Variants in KDM4C observed in about 807,000 individuals in gnomAD.
KDM4C encodes lysine demethylase 4C, also known as lysine-specific demethylase 4C.
Under a neutral mutation model 129.3 loss-of-function variants are expected in KDM4C, and 81 were observed. That is an observed-to-expected ratio of 0.63 (90% confidence interval 0.52 to 0.75). The LOEUF is 0.75. Ranked by LOEUF, KDM4C falls within the 30% of genes least tolerant of loss-of-function variation. The probability of loss-of-function intolerance (pLI) is 0.00; values close to 1 mark genes in which losing one functional copy is unlikely to be tolerated. For missense variants in KDM4C, 1,457 were observed against 1,304.0 expected, an observed-to-expected ratio of 1.12 and a Z score of -1.81; for synonymous variants, 573 against 456.1, an observed-to-expected ratio of 1.26 and a Z score of -3.26.
At chr9:7,125,733 C>G (rs997423164) in intron 18 of KDM4C, among the ~76,000 whole-genome samples, 3 of 152,032 alleles carry the variant, frequency 2.0e-5, no homozygotes, top group Non-Finnish European at 4.4e-5. Flanking sequence ...TTAATGAGTC[C>G]CTGCTTTCTG....
At position 6,923,790 on chromosome 9, in the gene KDM4C, G is replaced by A. The variant is rs1194632952; in HGVS notation, c.921+30558G>A. 8.5e-5 allele frequency among the ~76,000 whole-genome samples: 13 copies of A among 152,276 alleles called. No individual in the cohort carries two copies. The East Asian group carries it at 1.3e-3, about 16-fold the overall frequency. On this transcript the variant is annotated intron_variant, in intron 8 of 21. Coordinates refer to ENST00000381309, the MANE Select transcript of KDM4C (RefSeq NM_015061.6). ...TGTTTGATTGTTTCAAATGCTTCCT[G>A]TGTCAATGACTGCAGAATCCAGTCT...
intron 17 of KDM4C, among the ~76,000 whole-genome samples, chr9:7,080,300 T>G (rs535002471): frequency 1.3e-5 from 2 of 152,310 alleles, no homozygotes; most frequent in Non-Finnish European, 2.9e-5. Flanking sequence ...AAAGAGACCC[T>G]AGAGCCCAAA....
At chr9:6,781,028 A>G (rs1301714803) in intron 1 of KDM4C, among the ~76,000 whole-genome samples, 1 of 152,044 alleles carries the variant, frequency 6.6e-6, no homozygotes, top group Non-Finnish European at 1.5e-5. Flanking sequence ...TGCATATAGC[A>G]GACAGTAGCT....
intron 8 of KDM4C, among the ~76,000 whole-genome samples, chr9:6,910,307 A>G (rs1274959118): frequency 6.6e-6 from 1 of 152,136 alleles, no homozygotes; most frequent in African/African-American, 2.4e-5. Flanking sequence ...TTGAGTCCTT[A>G]CTTTGTGTCA....
At chr9:7,143,914 G>T (rs1416919592) in intron 19 of KDM4C, among the ~76,000 whole-genome samples, 1 of 152,154 alleles carries the variant, frequency 6.6e-6, no homozygotes, top group Non-Finnish European at 1.5e-5. Context: ...TTAACTTTAT[G>T]CATTTACATT....
At position 6,834,820 on chromosome 9, in the gene KDM4C, C is replaced by A. The variant is rs1835569538; in HGVS notation, c.436-14687C>A. 35 of 1,378,204 alleles carry A rather than the reference C, an allele frequency of 2.5e-5. No individual in the cohort carries two copies. The South Asian group carries it at 3.7e-4, about 15-fold the overall frequency. The allele number at this position is 1,378,204 out of a possible 1,614,324, so 85.4% of individuals were successfully genotyped here. A position where few individuals can be genotyped will look rare whatever the true frequency, so the allele number is the denominator to read the frequency against. ...CCAGCCGCGAGAAGATGACCCAGAT[C>A]ATGTTTGAGACCTTCATCACCCCAG... On this transcript the variant is annotated intron_variant, in intron 4 of 21. Coordinates refer to ENST00000381309, the MANE Select transcript of KDM4C (RefSeq NM_015061.6).
At chr9:6,966,460 G>A (rs1285154163) in intron 8 of KDM4C, among the ~76,000 whole-genome samples, 3 of 152,200 alleles carry the variant, frequency 2.0e-5, no homozygotes, top group East Asian at 1.9e-4. Context: ...GTGAGCCACC[G>A]CGCCGGGCCT....
intron 18 of KDM4C, among the ~76,000 whole-genome samples, chr9:7,122,214 G>A (rs1451423784): frequency 2.0e-5 from 3 of 151,358 alleles, no homozygotes; most frequent in Non-Finnish European, 4.4e-5. Flanking sequence ...GTCTGAGCAG[G>A]AGGAAGAGAT....
intron 8 of KDM4C, among the ~76,000 whole-genome samples, chr9:6,936,638 C>T (rs1254093913): frequency 6.6e-6 from 1 of 152,174 alleles, no homozygotes; most frequent in African/African-American, 2.4e-5. Flanking sequence ...GAGAATGAGC[C>T]TTCCCATGGC....
chr9:6,771,772 T>C (rs939993991), intron 1 of KDM4C, among the ~76,000 whole-genome samples: 1 of 152,212 alleles, frequency 6.6e-6, no homozygotes, highest in African/African-American at 2.4e-5. Context: ...CACAGCTGGG[T>C]GCAGGGGCAG....
At chr9:6,890,772 G>T (rs764104575) in intron 7 of KDM4C, among the ~76,000 whole-genome samples, 13 of 152,172 alleles carry the variant, frequency 8.5e-5, no homozygotes, top group Non-Finnish European at 1.5e-4. Flanking sequence ...TTATGTGGGA[G>T]CAGGGTGAGT....
chr9:7,072,942 C>G (rs1833406930), intron 17 of KDM4C, among the ~76,000 whole-genome samples: 1 of 152,036 alleles, frequency 6.6e-6, no homozygotes, highest in Non-Finnish European at 1.5e-5. Flanking sequence ...GTGGAAATGA[C>G]TGATACTAAT....
intron 8 of KDM4C, chr9:6,902,538 C>CT (rs1563785918): frequency 6.6e-6 from 1 of 151,922 alleles, no homozygotes; most frequent in Non-Finnish European, 1.5e-5. Context: ...GTAAAGAGGG[C>CT]GTTCACTTGT....
At chr9:6,778,188 C>G (rs144712863) in intron 1 of KDM4C, among the ~76,000 whole-genome samples, 64 of 151,260 alleles carry the variant, frequency 4.2e-4, no homozygotes, top group Middle Eastern at 3.4e-3. Flanking sequence ...CTCCTGGGTT[C>G]AAGCAATTCT....
intron 1 of KDM4C, among the ~76,000 whole-genome samples, chr9:6,731,086 T>A (rs911144907): frequency 2.0e-5 from 3 of 152,118 alleles, no homozygotes; most frequent in Admixed American, 6.6e-5. Context: ...ACTTGAGTCA[T>A]TGATGTCACT....
At chr9:6,775,923 A>T (rs1393217124) in intron 1 of KDM4C, among the ~76,000 whole-genome samples, 1 of 152,220 alleles carries the variant, frequency 6.6e-6, no homozygotes, top group Non-Finnish European at 1.5e-5. Context: ...ATTAGATGCA[A>T]CTTGAACTCT....
At chr9:6,969,647 C>A (rs1831602342) in intron 8 of KDM4C, among the ~76,000 whole-genome samples, 1 of 152,156 alleles carries the variant, frequency 6.6e-6, no homozygotes, top group South Asian at 2.1e-4. Flanking sequence ...ATCATTTTTT[C>A]ATATGTCAAA....
At chr9:7,150,954 C>G (rs1564181372) in intron 19 of KDM4C, among the ~76,000 whole-genome samples, 3 of 152,114 alleles carry the variant, frequency 2.0e-5, no homozygotes, top group Admixed American at 2.0e-4. Context: ...TCTCTGGGAC[C>G]TCAGTACCTT....
intron 11 of KDM4C, among the ~76,000 whole-genome samples, chr9:6,989,166 T>G (rs148037578): frequency 0.018 from 2,693 of 152,312 alleles, 41 homozygotes; most frequent in Non-Finnish European, 0.028. Context: ...CATCGTATAT[T>G]GCATTTGTCA....
Sources: allele counts gnomAD v4.1 joint callset (sites outside exome capture counted in the v4.1 genomes callset), GRCh38; gene constraint gnomAD v4.1.1; transcripts MANE v1.5; gene names NCBI Gene and HGNC (gene_info 2026-07-23, HGNC 2026-07-21).